OTUD7A: variants seen among roughly 807,000 people sequenced by gnomAD.
OTUD7A encodes the protein OTU domain-containing protein 7A.
Under a neutral mutation model 65.7 loss-of-function variants are expected in OTUD7A, and 12 were observed. The observed-to-expected ratio is 0.18, with a 90% CI of 0.12 to 0.30. The LOEUF (loss-of-function observed/expected upper bound fraction) is 0.30. Ranked by LOEUF, OTUD7A falls within the 10% of genes least tolerant of loss-of-function variation. The probability of loss-of-function intolerance (pLI) is 1.00; values close to 1 mark genes in which losing one functional copy is unlikely to be tolerated. For missense variants in OTUD7A, 1,148 were observed against 1,304.8 expected (o/e 0.88, Z 1.85); for synonymous variants, 641 against 586.3 (o/e 1.09, Z -1.35).
intron 1 of OTUD7A, among the ~76,000 whole-genome samples, chr15:31,769,313 C>T (rs1010788996): frequency 6.6e-6 from 1 of 152,088 alleles, no homozygotes; most frequent in Non-Finnish European, 1.5e-5. Flanking sequence ...GTTCAATTCA[C>T]CAAAAAGAAA....
chr15:31,639,266 GT>G (rs1057014638), intron 3 of OTUD7A, among the ~76,000 whole-genome samples: 178 of 151,534 alleles, frequency 1.2e-3, no homozygotes, highest in African/African-American at 4.1e-3. Flanking sequence ...ACAATATGTA[GT>G]TTTTTTTTGT....
chr15:31,611,472 G>C (rs1226269487), intron 3 of OTUD7A, among the ~76,000 whole-genome samples: 1 of 152,116 alleles, frequency 6.6e-6, no homozygotes, highest in East Asian at 1.9e-4. Flanking sequence ...AAATGAAATG[G>C]GAGATATTAC....
intron 5 of OTUD7A, among the ~76,000 whole-genome samples, chr15:31,538,539 T>C (rs1887879513): frequency 1.3e-5 from 2 of 152,120 alleles, no homozygotes; most frequent in Admixed American, 1.3e-4. Context: ...CCGCTGACCC[T>C]TAACAGGAGC....
chr15:31,528,953 G>T (rs1391504414), intron 6 of OTUD7A, among the ~76,000 whole-genome samples: 1 of 152,176 alleles, frequency 6.6e-6, no homozygotes, highest in Non-Finnish European at 1.5e-5. Context: ...CTTGGAGGGG[G>T]GTCTCACAGC....
intron 5 of OTUD7A, among the ~76,000 whole-genome samples, chr15:31,531,520 C>CAAAAAAAAAAAAAAAAAA (rs60332452): frequency 1.1e-4 from 9 of 80,156 alleles, no homozygotes; most frequent in Non-Finnish European, 1.7e-4. Context: ...GAGTAGGCCA[C>CAAAAAAAAAAAAAAAAAA]AAAAAAAAAA....
chr15:31,638,206 C>T (rs1022900831), intron 3 of OTUD7A, among the ~76,000 whole-genome samples: 1 of 152,006 alleles, frequency 6.6e-6, no homozygotes, highest in Non-Finnish European at 1.5e-5. Flanking sequence ...CAGTTAGCAG[C>T]CATAAACATT....
chr15:31,589,131 T>C (rs1166774361), intron 3 of OTUD7A, among the ~76,000 whole-genome samples: 4 of 152,268 alleles, frequency 2.6e-5, no homozygotes, highest in African/African-American at 9.6e-5. Flanking sequence ...AGATGTATGC[T>C]ACAAATCCTG....
Position 31,483,227 on chromosome 15 carries a change from G to A in OTUD7A, c.*67C>T, listed in dbSNP as rs1324459896. The A allele has an allele frequency of 1.9e-6, 2 of 1,050,020 alleles. No homozygotes were observed. Among genetic ancestry groups the A allele is most frequent in the Non-Finnish European group, 2.3e-6 (2 of 872,928 alleles). The allele number at this position is 1,050,020 out of a possible 1,614,324, so 65.0% of individuals were successfully genotyped here. A position where few individuals can be genotyped will look rare whatever the true frequency, so the allele number is the denominator to read the frequency against. On this transcript the variant is annotated 3_prime_UTR_variant, in exon 13 of 13. Coordinates refer to ENST00000307050, the MANE Select transcript of OTUD7A (RefSeq NM_001382637.1). ...CCGGTGGACCAGGGCATGTAAAAAA[G>A]ACACCGACACAATGGAAAAGAAATC...
chr15:31,501,877 C>T (rs774710397), intron 9 of OTUD7A, 38 bp from the exon 10 acceptor site: 1 of 1,573,116 alleles, frequency 6.4e-7, no homozygotes, highest in Non-Finnish European at 8.6e-7. Context: ...TGAGGAGCAG[C>T]CAGCTCGAGC....
At chr15:31,634,502 G>C (rs774885901) in intron 3 of OTUD7A, among the ~76,000 whole-genome samples, 2 of 152,144 alleles carry the variant, frequency 1.3e-5, no homozygotes, top group African/African-American at 4.8e-5. Flanking sequence ...GTGTTCTGCC[G>C]GGATGTTCTC....
At chr15:31,766,006 T>C (rs1349894445) in intron 1 of OTUD7A, 11 of 1,549,750 alleles carry the variant, frequency 7.1e-6, no homozygotes, top group Non-Finnish European at 9.8e-6. Context: ...TCCTGAGCAC[T>C]AATCTGCTTA....
intron 1 of OTUD7A, among the ~76,000 whole-genome samples, chr15:31,838,426 C>T (rs957888699): frequency 2.6e-5 from 4 of 152,102 alleles, no homozygotes; most frequent in Non-Finnish European, 5.9e-5. Flanking sequence ...CTCCACATCA[C>T]CCTCTACCTC....
rs1454388004 is a variant in OTUD7A at position 31,482,876 on chromosome 15, C to A, written c.*418G>T. ...GCTCTAAGCCCTGGGTACTACCAAC[C>A]GCGCACAAGGGACCGCTACCTGGAA... On this transcript the variant is annotated 3_prime_UTR_variant, in exon 13 of 13. Transcript: ENST00000307050. The A allele has an allele frequency of 1.3e-5, 2 of 151,702 alleles. No individual in the cohort carries two copies. Among genetic ancestry groups the A allele is most frequent in the East Asian group, 3.9e-4 (2 of 5,174 alleles). 9.4% of individuals were successfully genotyped at this position (151,702 alleles called of 1,614,324 possible). A position where few individuals can be genotyped will look rare whatever the true frequency, so the allele number is the denominator to read the frequency against.
intron 1 of OTUD7A, among the ~76,000 whole-genome samples, chr15:31,708,216 G>C (rs1196297298): frequency 3.9e-5 from 6 of 152,088 alleles, no homozygotes; most frequent in Non-Finnish European, 8.8e-5. Context: ...AACTTAAAAA[G>C]AGTTTCTAAC....
chr15:31,508,369 G>A lies in OTUD7A; in HGVS notation c.894-4551C>T, dbSNP rs538932176. On this transcript the variant is annotated intron_variant, in intron 8 of 12. Coordinates refer to ENST00000307050, the MANE Select transcript of OTUD7A (RefSeq NM_001382637.1). ...AGGATGTGTTTTTGTTTTGTTTTGA[G>A]ACGGAGTCTTGCTCTGTCACCCAGG... Among the ~76,000 whole-genome samples, 14 of 149,842 alleles carry A rather than the reference G, an allele frequency of 9.3e-5. No individual in the cohort carries two copies. In the South Asian group the frequency reaches 3.0e-3, roughly 32 times the overall value.
intron 1 of OTUD7A, among the ~76,000 whole-genome samples, chr15:31,762,740 T>A (rs1895000724): frequency 6.6e-6 from 1 of 152,250 alleles, no homozygotes; most frequent in African/African-American, 2.4e-5. Context: ...AACCTAGCTA[T>A]GTAGATTGCC....
chr15:31,840,458 A>T (rs1227772069), intron 1 of OTUD7A, among the ~76,000 whole-genome samples: 2 of 152,056 alleles, frequency 1.3e-5, no homozygotes, highest in Non-Finnish European at 2.9e-5. Flanking sequence ...AAATAAAAAT[A>T]AAAATAAAAA....
intron 1 of OTUD7A, among the ~76,000 whole-genome samples, chr15:31,860,193 A>G (rs1053949982): frequency 6.6e-6 from 1 of 152,180 alleles, no homozygotes; most frequent in Non-Finnish European, 1.5e-5. Context: ...CTTTGAACTC[A>G]CACTCTGCTG....
chr15:31,495,893 C>T (rs1192188676), intron 10 of OTUD7A, among the ~76,000 whole-genome samples: 1 of 151,966 alleles, frequency 6.6e-6, no homozygotes, highest in African/African-American at 2.4e-5. Flanking sequence ...TGGAGAAACA[C>T]CGTCTGTACC....
Sources: gnomAD v4.1 joint callset for allele counts (sites outside exome capture counted in the v4.1 genomes callset) on GRCh38, gnomAD v4.1.1 for gene constraint, MANE v1.5 for transcripts, NCBI Gene and HGNC (gene_info 2026-07-23, HGNC 2026-07-21) for gene names.